The following RPTOR variants were observed in gnomAD, a reference collection of about 807,000 sequenced individuals.
The protein encoded by RPTOR is regulatory associated protein of MTOR complex 1.
RPTOR carries 21 observed loss-of-function variants against 169.9 expected under a neutral mutation model. The observed-to-expected ratio is 0.12, with a 90% confidence interval of 0.09 to 0.18. The LOEUF (loss-of-function observed/expected upper bound fraction) is 0.18, where lower values mean the gene tolerates loss of function less well. Ranked by LOEUF, RPTOR falls within the 10% of genes least tolerant of loss-of-function variation. The pLI is 1.00. For missense variants in RPTOR, 1,133 were observed against 1,855.9 expected (o/e 0.61, Z 7.16); for synonymous variants, 732 against 753.2 (o/e 0.97, Z 0.46).
chr17:80,902,822 CCA>C (rs1464058735), intron 20 of RPTOR, among the ~76,000 whole-genome samples: 1 of 152,248 alleles, frequency 6.6e-6, no homozygotes, highest in Non-Finnish European at 1.5e-5. Context: ...CCATGGGGGA[CCA>C]CGCTGCTGTG....
chr17:80,649,976 T>C (rs1210572923), intron 3 of RPTOR, among the ~76,000 whole-genome samples: 1 of 152,234 alleles, frequency 6.6e-6, no homozygotes, highest in Non-Finnish European at 1.5e-5. Flanking sequence ...GCGAAGCAGT[T>C]TATTCCGGAC....
intron 3 of RPTOR, among the ~76,000 whole-genome samples, chr17:80,681,549 G>A (rs530900868): frequency 6.6e-6 from 1 of 152,088 alleles, no homozygotes; most frequent in Admixed American, 6.5e-5. Context: ...TGTGTGTGTG[G>A]TTCAACATTT....
At chr17:80,732,741 A>C (rs1471537217) in intron 5 of RPTOR, among the ~76,000 whole-genome samples, 1 of 152,248 alleles carries the variant, frequency 6.6e-6, no homozygotes, top group African/African-American at 2.4e-5. Context: ...TAAAATGATA[A>C]AATTAGCTCC....
At chr17:80,919,135 C>A (rs1289022650) in intron 21 of RPTOR, among the ~76,000 whole-genome samples, 1 of 152,168 alleles carries the variant, frequency 6.6e-6, no homozygotes, top group Non-Finnish European at 1.5e-5. Flanking sequence ...TAATGGGCAT[C>A]TTGTTAAGAG....
intron 24 of RPTOR, among the ~76,000 whole-genome samples, chr17:80,931,855 A>G (rs953496496): frequency 6.7e-6 from 1 of 149,552 alleles, no homozygotes; most frequent in Non-Finnish European, 1.5e-5. Context: ...CAGCAGGCAC[A>G]GCAGTCGAGC....
intron 25 of RPTOR, among the ~76,000 whole-genome samples, chr17:80,944,416 T>C (rs564325674): frequency 9.2e-5 from 14 of 152,360 alleles, no homozygotes; most frequent in African/African-American, 3.1e-4. Context: ...TGACCACTGC[T>C]GACAAGTATT....
intron 3 of RPTOR, among the ~76,000 whole-genome samples, chr17:80,674,882 A>G (rs1011312648): frequency 4.0e-5 from 6 of 150,406 alleles, no homozygotes; most frequent in African/African-American, 1.2e-4. Context: ...TGACAATACC[A>G]CCCATCTTGG....
intron 1 of RPTOR, among the ~76,000 whole-genome samples, chr17:80,578,213 G>A (rs1285259489): frequency 1.3e-5 from 2 of 152,190 alleles, no homozygotes; most frequent in Non-Finnish European, 2.9e-5. Context: ...TGAGTGAGTG[G>A]TTGGGGGGGT....
chr17:80,715,561 A>G (rs1367966944), intron 4 of RPTOR, among the ~76,000 whole-genome samples: 1 of 151,122 alleles, frequency 6.6e-6, no homozygotes, highest in East Asian at 1.9e-4. Context: ...GGGTGGGTAG[A>G]TGAATGGATG....
intron 6 of RPTOR, among the ~76,000 whole-genome samples, chr17:80,765,657 T>C (rs900594363): frequency 3.3e-5 from 5 of 152,154 alleles, no homozygotes; most frequent in African/African-American, 1.2e-4. Context: ...GCCTCAACTC[T>C]GTTGTTCCGC....
chr17:80,632,325 C>T (rs2065448328), intron 2 of RPTOR, among the ~76,000 whole-genome samples: 4 of 152,206 alleles, frequency 2.6e-5, no homozygotes, highest in Admixed American at 2.0e-4. Flanking sequence ...CCTGTGTGTG[C>T]TCCGGGGACG....
intron 25 of RPTOR, 38 bp downstream of exon 25, chr17:80,940,639 G>A (rs547988883): frequency 2.2e-5 from 34 of 1,537,056 alleles, no homozygotes; most frequent in East Asian, 2.1e-4. Flanking sequence ...GGCTCATTCC[G>A]GGGGTGGGGC....
rs1280101827 is a variant in RPTOR, at chr17:80,726,441, G to A, written c.508-4119G>A. Among the ~76,000 whole-genome samples, 4 of 151,708 alleles carry A rather than the reference G, an allele frequency of 2.6e-5. No individual in the cohort carries two copies. The highest frequency in any genetic ancestry group is 7.3e-5 in the African/African-American group (3 of 41,216). Reference sequence around the variant, plus strand: ...TAGTGCAGCAGTACCTCATGGTTATGACGGATCATCTTCCTGAACTTTGCA... The same window carrying A: ...TAGTGCAGCAGTACCTCATGGTTATAACGGATCATCTTCCTGAACTTTGCA... On this transcript the variant is annotated intron_variant, in intron 4 of 33. Coordinates refer to ENST00000306801, the MANE Select transcript of RPTOR (RefSeq NM_020761.3). The surrounding 1 kb of genome is among the most constrained non-coding windows in gnomAD (Gnocchi z 4.5).
chr17:80,685,650 T>A (rs189430488), intron 3 of RPTOR, among the ~76,000 whole-genome samples: 11,505 of 91,774 alleles, frequency 0.13, 1,418 homozygotes, highest in Non-Finnish European at 0.16. Flanking sequence ...TTTTTTTTTT[T>A]TTTTTTTGCT....
At chr17:80,757,898 T>G (rs1240366209) in intron 6 of RPTOR, among the ~76,000 whole-genome samples, 1 of 152,138 alleles carries the variant, frequency 6.6e-6, no homozygotes, top group Non-Finnish European at 1.5e-5. Context: ...AGTGTTCTTT[T>G]TAACTCTCTG....
At chr17:80,891,958 A>T in intron 18 of RPTOR, 121 bp downstream of exon 18, 2 of 592,658 alleles carry the variant, frequency 3.4e-6, no homozygotes, top group South Asian at 2.6e-5. Flanking sequence ...TACCTGCCGC[A>T]AGGGGTCCCT....
At chr17:80,877,492 C>G (rs911642034) in intron 13 of RPTOR, among the ~76,000 whole-genome samples, 1 of 152,210 alleles carries the variant, frequency 6.6e-6, no homozygotes, top group African/African-American at 2.4e-5. Context: ...AGTTCTCCCA[C>G]CCTGATTTGC....
chr17:80,649,228 C>A lies in RPTOR; in HGVS notation c.348+5418C>A, dbSNP rs149926806. Among the ~76,000 whole-genome samples, 106 of 152,314 alleles carry A rather than the reference C, an allele frequency of 7.0e-4. 1 individual carries two copies. Among genetic ancestry groups the A allele is most frequent in the African/African-American group, 2.4e-3 (101 of 41,562 alleles). Reference sequence around the variant, plus strand: ...CTCCAAAGCTATTCATGGAACAGCCCAAGGTGGACCGTTACTCGCTGTGAC... The same window carrying A: ...CTCCAAAGCTATTCATGGAACAGCCAAAGGTGGACCGTTACTCGCTGTGAC... On this transcript the variant is annotated intron_variant, in intron 3 of 33. Transcript: ENST00000306801.
intron 6 of RPTOR, among the ~76,000 whole-genome samples, chr17:80,764,184 CTTTTAAG>C (rs2066764121): frequency 7.3e-6 from 1 of 136,414 alleles, no homozygotes; most frequent in African/African-American, 2.7e-5. Context: ...TATTATTATA[CTTTTAAG>C]TTTTAGGGTA....
Sources: allele counts gnomAD v4.1 joint callset (sites outside exome capture counted in the v4.1 genomes callset), GRCh38; gene constraint gnomAD v4.1.1; non-coding constraint Gnocchi (gnomAD v3.1); transcripts MANE v1.5; gene names NCBI Gene and HGNC (gene_info 2026-07-23, HGNC 2026-07-21).